HEATR5B: variants seen among roughly 807,000 people sequenced by gnomAD.
The protein encoded by HEATR5B is HEAT repeat containing 5B, also known as HEAT repeat-containing protein 5B.
HEATR5B carries 156 observed loss-of-function variants against 224.1 expected under a neutral mutation model. That is an observed-to-expected ratio of 0.70 (90% CI 0.61 to 0.80). The LOEUF (loss-of-function observed/expected upper bound fraction) is 0.80. Among genes scored for constraint, HEATR5B ranks in the 30% least tolerant of loss-of-function variants. The pLI is 0.00. For synonymous variants in HEATR5B, 1,027 were observed against 893.0 expected (o/e 1.15, Z -2.68); for missense variants, 2,323 against 2,535.5 (o/e 0.92, Z 1.80).
Position 37,058,966 on chromosome 2 carries a change from T to C in HEATR5B, c.1871A>G (p.His624Arg). The change falls in exon 13 of 36, where the codon CAT (histidine) becomes CGT (arginine). Residue 624 changes from histidine (H) to arginine (R), a missense_variant. Coordinates refer to ENST00000233099, the MANE Select transcript of HEATR5B (RefSeq NM_019024.3). ...ALCAMRSFVA[H>R]CPELLTEDVI... ...ATCTTCAGTTAGTAGCTCAGGACAA[T>C]GTGCAACGAAGCTCCTCATGGCTAG... The C allele has an allele frequency of 6.2e-7, 1 of 1,608,790 alleles. No homozygotes were observed. The highest frequency in any genetic ancestry group is 8.5e-7 in the Non-Finnish European group (1 of 1,176,692).
intron 35 of HEATR5B, among the ~76,000 whole-genome samples, chr2:36,984,200 C>CAAAAAAAAAAAAAAAAAAAAAAAA (rs1208435239): frequency 3.4e-5 from 1 of 29,010 alleles, no homozygotes; most frequent in Non-Finnish European, 6.5e-5. Flanking sequence ...AACTCTGTCT[C>CAAAAAAAAAAAAAAAAAAAAAAAA]AAAAAAAAAA....
At chr2:37,049,576 C>T (rs1670409121) in intron 18 of HEATR5B, 77 bp downstream of exon 18, 1 of 1,296,286 alleles carries the variant, frequency 7.7e-7, no homozygotes, top group Non-Finnish European at 1.1e-6. Context: ...ATGTGGAAAA[C>T]ATAAACTCCA....
At chr2:37,024,362 T>G (rs1668642333) in intron 24 of HEATR5B, among the ~76,000 whole-genome samples, 1 of 152,200 alleles carries the variant, frequency 6.6e-6, no homozygotes, top group African/African-American at 2.4e-5. Context: ...CACTGTATTC[T>G]TGAAAAATGC....
rs1014319608 is a variant in HEATR5B, at chr2:36,988,802, G to C, written c.5755C>G (p.Leu1919Val). The C allele has an allele frequency of 5.0e-6, 8 of 1,614,092 alleles. No individual in the cohort carries two copies. Among genetic ancestry groups the C allele is most frequent in the Non-Finnish European group, 6.8e-6 (8 of 1,180,000 alleles). ...LSVFQHSNRA[L>V]STPYIHSLAP... ...AATGAATGAATATAAGGAGTTGAAA[G>C]GGCACGATTGGAATGCTGGAAGACT... The change falls in exon 35 of 36, where the codon CTT becomes GTT. Residue 1919 changes from leucine to valine, a missense_variant. This residue lies in a region of HEATR5B where 844 missense variants were observed against 812.9 expected (regional missense o/e 1.04). Transcript: ENST00000233099.
At chr2:37,040,965 G>A (rs1200236245) in intron 19 of HEATR5B, 168 bp downstream of exon 19, 2 of 574,144 alleles carry the variant, frequency 3.5e-6, no homozygotes, top group South Asian at 5.1e-5. Context: ...GAATAAGACA[G>A]ACTTTAAGAC....
chr2:37,050,814 G>C (rs1286646050), intron 17 of HEATR5B, among the ~76,000 whole-genome samples: 1 of 152,178 alleles, frequency 6.6e-6, no homozygotes, highest in South Asian at 2.1e-4. Flanking sequence ...CCAAGGCGGG[G>C]AGATCATGAC....
chr2:36,982,863 T>TATACACACAC (rs369772830), intron 35 of HEATR5B, among the ~76,000 whole-genome samples: 39 of 126,002 alleles, frequency 3.1e-4, no homozygotes, highest in African/African-American at 1.1e-3. Context: ...CAGACACAGA[T>TATACACACAC]ACACACACAC....
intron 11 of HEATR5B, 74 bp from the exon 12 acceptor site, chr2:37,060,807 C>A: frequency 4.8e-6 from 6 of 1,239,314 alleles, no homozygotes; most frequent in South Asian, 1.6e-5. Context: ...GCAAAATGAG[C>A]CCAACACAAA....
chr2:37,069,900 CTT>C (rs11372186), intron 7 of HEATR5B, among the ~76,000 whole-genome samples: 5 of 140,338 alleles, frequency 3.6e-5, no homozygotes, highest in Admixed American at 7.2e-5. Context: ...TGAACAAAAT[CTT>C]TTTTTTTTTT....
chr2:37,000,470 C>T, intron 33 of HEATR5B, 116 bp downstream of exon 33: 1 of 745,048 alleles, frequency 1.3e-6, no homozygotes, highest in East Asian at 2.6e-5. Context: ...GACTAACATA[C>T]CTCTCTGAGA....
At chr2:37,020,984 A>G in intron 24 of HEATR5B, 148 bp from the exon 25 acceptor site, 1 of 567,814 alleles carries the variant, frequency 1.8e-6, no homozygotes, top group Non-Finnish European at 3.1e-6. Context: ...ATATTCTTTC[A>G]AGACAACTTC....
chr2:37,016,048 T>C (rs1467402617), intron 26 of HEATR5B, among the ~76,000 whole-genome samples: 1 of 151,316 alleles, frequency 6.6e-6, no homozygotes, highest in Non-Finnish European at 1.5e-5. Flanking sequence ...AGGGAAGAGT[T>C]TCAAGAAGGA....
At chr2:37,056,805 C>A (rs553402317) in intron 15 of HEATR5B, among the ~76,000 whole-genome samples, 190 bp from the exon 16 acceptor site, 1 of 152,282 alleles carries the variant, frequency 6.6e-6, no homozygotes, top group African/African-American at 2.4e-5. Flanking sequence ...ACACCTTATA[C>A]AAATTTTAAG....
At chr2:37,027,655 T>C (rs556973992) in intron 24 of HEATR5B, among the ~76,000 whole-genome samples, 1 of 152,306 alleles carries the variant, frequency 6.6e-6, no homozygotes, top group East Asian at 1.9e-4. Context: ...GTAACTGCCA[T>C]CATTATCCTT....
intron 21 of HEATR5B, among the ~76,000 whole-genome samples, chr2:37,037,153 T>TAG (rs1345082680): frequency 2.2e-5 from 3 of 136,770 alleles, no homozygotes; most frequent in Non-Finnish European, 4.8e-5. Flanking sequence ...GTGATATATA[T>TAG]ATATATTTTG....
chr2:37,071,153 A>G (rs1225562066), intron 6 of HEATR5B, among the ~76,000 whole-genome samples: 1 of 152,174 alleles, frequency 6.6e-6, no homozygotes, highest in Admixed American at 6.5e-5. Context: ...CATCATCATC[A>G]TCATCATCAT....
At chr2:37,064,625 G>A in intron 10 of HEATR5B, 115 bp downstream of exon 10, 1 of 963,068 alleles carries the variant, frequency 1.0e-6, no homozygotes, top group Non-Finnish European at 1.6e-6. Flanking sequence ...TATGTTTTAT[G>A]ATAACATAGT....
In HEATR5B at chr2:37,060,675, G is replaced by T. The variant is rs370490457; in HGVS notation, c.1755C>A (p.Phe585Leu). The change falls in exon 12 of 36, where the codon TTC becomes TTA. Residue 585 changes from phenylalanine to leucine, a missense_variant. This residue lies in a region of HEATR5B where 502 missense variants were observed against 517.8 expected (regional missense o/e 0.97). Coordinates refer to ENST00000233099, the MANE Select transcript of HEATR5B (RefSeq NM_019024.3). ...PKMLLLWRNV[F>L]PRSLKELEAE... ...CTTCCAATTCCTTTAAGGAACGTGG[G>T]AAAACATTTCGCCACAATAACAACA... 6.6e-5 allele frequency: 107 copies of T among 1,613,774 alleles called. No homozygotes were observed. Among genetic ancestry groups the T allele is most frequent in the Non-Finnish European group, 8.8e-5 (104 of 1,179,912 alleles).
In HEATR5B at chr2:37,064,903, A is replaced by C. The variant is rs1572922514; in HGVS notation, c.1421T>G (p.Val474Gly). ...AAAWCLRCVA[V>G]ALPFQLTPFL... ...TGGTGTCAGCTGGAAAGGTAATGCC[A>C]CAGCCACACAGCGCAAACACCATGC... The change falls in exon 10 of 36, where the codon GTG becomes GGG. Residue 474 changes from valine (V) to glycine (G), a missense_variant. Around this residue, in one of 12 missense-constraint regions of HEATR5B, gnomAD observed 502 missense variants for 517.8 expected, o/e 0.97. Transcript: ENST00000233099. The C allele has an allele frequency of 6.2e-7, 1 of 1,614,190 alleles. No homozygotes were observed. Among genetic ancestry groups the C allele is most frequent in the Non-Finnish European group, 8.5e-7 (1 of 1,180,024 alleles).
Sources: gnomAD v4.1 joint callset for allele counts (sites outside exome capture counted in the v4.1 genomes callset) on GRCh38, gnomAD v4.1.1 for gene constraint, gnomAD v4.1.1 regional missense constraint, MANE v1.5 for transcripts, NCBI Gene and HGNC (gene_info 2026-07-23, HGNC 2026-07-21) for gene names.